The following CDH18 variants were observed in gnomAD, a reference collection of about 807,000 sequenced individuals.
The protein encoded by CDH18 is cadherin 18.
A neutral mutation model predicts 67.9 loss-of-function variants in CDH18; 31 were observed. That is an observed-to-expected ratio of 0.46 (90% CI 0.34 to 0.62). CDH18 has a LOEUF of 0.62. CDH18 is among the 20% of genes least tolerant of loss of function. The pLI is 0.01. For missense variants in CDH18, 890 were observed against 975.5 expected (o/e 0.91, Z 1.17); for synonymous variants, 362 against 347.2 (o/e 1.04, Z -0.48).
At chr5:19,823,255 C>T (rs182458083) in intron 3 of CDH18, among the ~76,000 whole-genome samples, 41 of 152,178 alleles carry the variant, frequency 2.7e-4, no homozygotes, top group East Asian at 2.5e-3. Context: ...TCCTCCTCAG[C>T]TTACAAAAAT....
At chr5:20,266,259 C>A (rs1226065786) in intron 1 of CDH18, among the ~76,000 whole-genome samples, 2 of 109,428 alleles carry the variant, frequency 1.8e-5, no homozygotes, top group Non-Finnish European at 3.9e-5. Flanking sequence ...TTTGAAGAAC[C>A]CTGACACTAG....
At chr5:19,498,722 T>C (rs113857635) in intron 11 of CDH18, among the ~76,000 whole-genome samples, 147 of 152,324 alleles carry the variant, frequency 9.7e-4, no homozygotes, top group South Asian at 1.9e-3. Context: ...TCAATACCTA[T>C]GTTGACTTTA....
At chr5:20,528,557 T>G (rs1248485429) in intron 1 of CDH18, among the ~76,000 whole-genome samples, 1 of 152,052 alleles carries the variant, frequency 6.6e-6, no homozygotes, top group Non-Finnish European at 1.5e-5. Flanking sequence ...AAACTGTCTT[T>G]CAGAACAGTG....
At chr5:20,386,664 T>C (rs1404166530) in intron 1 of CDH18, among the ~76,000 whole-genome samples, 1 of 152,170 alleles carries the variant, frequency 6.6e-6, no homozygotes, top group Admixed American at 6.6e-5. Flanking sequence ...TAAAACCTAC[T>C]TCACATAACC....
chr5:20,094,538 A>G (rs1259709459), intron 2 of CDH18, among the ~76,000 whole-genome samples: 1 of 152,188 alleles, frequency 6.6e-6, no homozygotes, highest in African/African-American at 2.4e-5. Context: ...CATTGAATTT[A>G]TAAATTACTT....
At chr5:20,469,482 A>G (rs115352309) in intron 1 of CDH18, among the ~76,000 whole-genome samples, 165 of 152,286 alleles carry the variant, frequency 1.1e-3, no homozygotes, top group African/African-American at 3.8e-3. Context: ...ATGAAGTTTC[A>G]TTGCCAGAAA....
chr5:20,492,679 T>A (rs578185602), intron 1 of CDH18, among the ~76,000 whole-genome samples: 42 of 152,314 alleles, frequency 2.8e-4, no homozygotes, highest in African/African-American at 9.4e-4. Flanking sequence ...TGAGACATAT[T>A]TAAGATATTT....
Position 19,571,803 on chromosome 5 carries a change from A to G in CDH18, c.1029T>C (p.Tyr343=), listed in dbSNP as rs554737114. 2 of 1,613,426 alleles carry G rather than the reference A, an allele frequency of 1.2e-6. No homozygotes were observed. Among genetic ancestry groups the G allele is most frequent in the East Asian group, 4.5e-5 (2 of 44,858 alleles). ...KPLNYEKKKS[Y]TLNIEGANTH... ...TATTTGCTCCTTCTATGTTGAGGGT[A>G]TATGACTTCTTTTTCTCATAGTTCA... is the stretch of plus-strand genomic sequence containing the variant. The change falls in exon 8 of 13, where the codon TAT becomes TAC. Residue 343 remains tyrosine, a synonymous_variant. Coordinates refer to ENST00000382275, the MANE Select transcript of CDH18 (RefSeq NM_004934.5).
chr5:19,529,066 T>C (rs1229184019), intron 9 of CDH18, among the ~76,000 whole-genome samples: 1 of 151,388 alleles, frequency 6.6e-6, no homozygotes, highest in Non-Finnish European at 1.5e-5. Context: ...ATAAAATATA[T>C]AAAAAAGAAA....
At chr5:19,662,142 C>T (rs200711057) in intron 5 of CDH18, among the ~76,000 whole-genome samples, 1 of 147,646 alleles carries the variant, frequency 6.8e-6, no homozygotes, top group Admixed American at 6.8e-5. Flanking sequence ...TTAAAGATGA[C>T]TTTTTTTTTT....
chr5:20,486,731 G>A (rs999751370), intron 1 of CDH18, among the ~76,000 whole-genome samples: 1 of 151,012 alleles, frequency 6.6e-6, no homozygotes, highest in African/African-American at 2.4e-5. Context: ...GTGTGTGTGT[G>A]TTGTGTGTAC....
At chr5:19,560,907 A>G (rs1321480028) in intron 8 of CDH18, among the ~76,000 whole-genome samples, 1 of 152,204 alleles carries the variant, frequency 6.6e-6, no homozygotes, top group Non-Finnish European at 1.5e-5. Flanking sequence ...CAGATGAAAA[A>G]AATTCAACAT....
At chr5:20,221,164 T>G (rs553392163) in intron 2 of CDH18, among the ~76,000 whole-genome samples, 12 of 152,164 alleles carry the variant, frequency 7.9e-5, no homozygotes, top group Non-Finnish European at 1.6e-4. Context: ...TGCACTCTCA[T>G]GTTTATTTCA....
chr5:19,662,367 C>T (rs1757298623), intron 5 of CDH18, among the ~76,000 whole-genome samples: 2 of 151,938 alleles, frequency 1.3e-5, no homozygotes, highest in East Asian at 1.9e-4. Flanking sequence ...GCATAAGAAA[C>T]AAGAAAAATT....
chr5:19,903,557 A>ATATATATATATATG (rs1790176553), intron 2 of CDH18, among the ~76,000 whole-genome samples: 1 of 142,206 alleles, frequency 7.0e-6, no homozygotes, highest in South Asian at 2.2e-4. Context: ...ATATATATAT[A>ATATATATATATATG]TATATATATT....
chr5:20,543,159 C>G (rs2126595623), intron 1 of CDH18, among the ~76,000 whole-genome samples: 1 of 152,000 alleles, frequency 6.6e-6, no homozygotes, highest in South Asian at 2.1e-4. Flanking sequence ...ATTTACATAT[C>G]AAGTTGATAA....
intron 12 of CDH18, among the ~76,000 whole-genome samples, chr5:19,474,043 C>T (rs189982273): frequency 6.6e-6 from 1 of 152,124 alleles, no homozygotes; most frequent in Admixed American, 6.6e-5. Context: ...GAGATAAACA[C>T]ATGATGAAAA....
intron 1 of CDH18, among the ~76,000 whole-genome samples, chr5:20,335,236 A>G (rs965840511): frequency 6.6e-6 from 1 of 152,092 alleles, no homozygotes. Context: ...TTTTTCTAAC[A>G]TGCTAAGTCT....
At chr5:19,898,730 T>A (rs1236128983) in intron 2 of CDH18, among the ~76,000 whole-genome samples, 7 of 152,094 alleles carry the variant, frequency 4.6e-5, no homozygotes, top group Non-Finnish European at 1.0e-4. Flanking sequence ...AAATGTTTCA[T>A]GACATTGGGC....
Sources: gnomAD v4.1 joint callset for allele counts (sites outside exome capture counted in the v4.1 genomes callset) on GRCh38, gnomAD v4.1.1 for gene constraint, MANE v1.5 for transcripts, NCBI Gene and HGNC (gene_info 2026-07-23, HGNC 2026-07-21) for gene names.